The following RNF141 variants were observed in gnomAD, a reference collection of about 807,000 sequenced individuals.
RNF141 encodes the protein C3HC4-like zinc finger protein.
RNF141 carries 18 observed loss-of-function variants against 27.4 expected under a neutral mutation model. The observed-to-expected ratio is 0.66, with a 90% CI of 0.45 to 0.97. The LOEUF is 0.97. Ranked by LOEUF, RNF141 falls within the 50% of genes least tolerant of loss-of-function variation. RNF141 has a pLI of 0.00. For missense variants in RNF141, 230 were observed against 279.4 expected (o/e 0.82, Z 1.26); for synonymous variants, 97 against 96.6 (o/e 1.00, Z -0.02).
intron 2 of RNF141, 57 bp downstream of exon 2, chr11:10,533,956 GACA>G (rs1850011429): frequency 6.7e-7 from 1 of 1,486,558 alleles, no homozygotes; most frequent in African/African-American, 1.4e-5. Flanking sequence ...ACACAGCCAT[GACA>G]TATGGGGCAT....
At chr11:10,522,751 A>G (rs1273037349) in intron 4 of RNF141, among the ~76,000 whole-genome samples, 2 of 152,252 alleles carry the variant, frequency 1.3e-5, no homozygotes, top group Non-Finnish European at 2.9e-5. Flanking sequence ...TAATAATGAC[A>G]GTTAACTCTT....
chr11:10,531,042 CAAAG>C (rs898539720), intron 2 of RNF141, among the ~76,000 whole-genome samples: 1 of 151,924 alleles, frequency 6.6e-6, no homozygotes, highest in Non-Finnish European at 1.5e-5. Flanking sequence ...AAATTTCTAA[CAAAG>C]ACATTTAGGA....
At chr11:10,540,281 T>C (rs1004866602) in intron 1 of RNF141, among the ~76,000 whole-genome samples, 3 of 152,152 alleles carry the variant, frequency 2.0e-5, no homozygotes, top group African/African-American at 7.2e-5. Context: ...TTTATATATA[T>C]GCCAGAGGCA....
intron 2 of RNF141, chr11:10,531,726 C>A (rs1849988025): frequency 1.1e-5 from 2 of 187,874 alleles, no homozygotes; most frequent in South Asian, 1.7e-4. Context: ...TATTGCAGTT[C>A]CCTTTTATCA....
chr11:10,534,600 T>A (rs1850017843), intron 1 of RNF141, among the ~76,000 whole-genome samples: 1 of 152,170 alleles, frequency 6.6e-6, no homozygotes, highest in Non-Finnish European at 1.5e-5. Context: ...GGCTCCAAAC[T>A]GTTTTCCGTA....
At chr11:10,515,465 T>A (rs1849835888) in intron 5 of RNF141, 1 of 155,312 alleles carries the variant, frequency 6.4e-6, no homozygotes, top group Admixed American at 6.5e-5. Context: ...ACATTTAGTT[T>A]TTTTTCCCAT....
At chr11:10,531,917 T>G (rs1462179727) in intron 2 of RNF141, 1 of 399,694 alleles carries the variant, frequency 2.5e-6, no homozygotes, top group East Asian at 8.6e-5. Context: ...TGTATAGGTT[T>G]AATTCTACAG....
At position 10,514,855 on chromosome 11, in the gene RNF141, T is replaced by G; in HGVS notation, c.*61A>C. On this transcript the variant is annotated 3_prime_UTR_variant, in exon 6 of 6. Transcript: ENST00000265981. ...TCTGTGCCAGTGCCACAACCCTACATTCTTCCCCCATGACCAAATATTTGA... is the reference window on the plus strand; with the variant it reads ...TCTGTGCCAGTGCCACAACCCTACAGTCTTCCCCCATGACCAAATATTTGA... 2.0e-6 allele frequency: 3 copies of G among 1,519,796 alleles called. No homozygotes were observed. Among genetic ancestry groups the G allele is most frequent in the Middle Eastern group, 1.8e-4 (1 of 5,710 alleles). The allele number at this position is 1,519,796 out of a possible 1,614,324, so 94.1% of individuals were successfully genotyped here.
At chr11:10,527,172 G>A (rs1238797135) in intron 3 of RNF141, among the ~76,000 whole-genome samples, 1 of 152,196 alleles carries the variant, frequency 6.6e-6, no homozygotes, top group Non-Finnish European at 1.5e-5. Flanking sequence ...GGTACTATGT[G>A]CACTGCTCTA....
intron 1 of RNF141, among the ~76,000 whole-genome samples, chr11:10,538,204 G>C (rs1321064788): frequency 6.6e-6 from 1 of 152,116 alleles, no homozygotes. Context: ...ACTGTACTTG[G>C]TATCTGGGAA....
intron 1 of RNF141, among the ~76,000 whole-genome samples, chr11:10,536,129 A>T (rs1850032550): frequency 6.6e-6 from 1 of 152,216 alleles, no homozygotes. Context: ...GTGAAAGCCT[A>T]TAAAAGGGGG....
chr11:10,525,681 A>G (rs994038712), intron 3 of RNF141, among the ~76,000 whole-genome samples: 1 of 152,212 alleles, frequency 6.6e-6, no homozygotes, highest in African/African-American at 2.4e-5. Context: ...TTTAGAGATC[A>G]GTATTAACAA....
At chr11:10,523,056 G>C (rs1005172034) in intron 4 of RNF141, among the ~76,000 whole-genome samples, 3 of 152,214 alleles carry the variant, frequency 2.0e-5, no homozygotes, top group Non-Finnish European at 4.4e-5. Flanking sequence ...AGTATGAAAA[G>C]GCTTGCTTTT....
intron 4 of RNF141, 56 bp from the exon 5 acceptor site, chr11:10,519,197 C>G: frequency 6.8e-7 from 1 of 1,473,670 alleles, no homozygotes; most frequent in Middle Eastern, 1.7e-4. Flanking sequence ...ATGCTTTATA[C>G]TTTTTGTTGC....
At chr11:10,516,517 C>T (rs955310615) in intron 5 of RNF141, 107 of 152,446 alleles carry the variant, frequency 7.0e-4, no homozygotes, top group African/African-American at 2.4e-3. Flanking sequence ...GGCCAAACAG[C>T]TAGGGTTTAC....
In RNF141 at chr11:10,513,021, A is replaced by C. The variant is rs1225550052; in HGVS notation, c.*1895T>G. 1 of 152,218 alleles carries C rather than the reference A, an allele frequency of 6.6e-6. No homozygotes were observed. The highest frequency in any genetic ancestry group is 2.4e-5 in the African/African-American group (1 of 41,448). 9.4% of individuals were successfully genotyped at this position (152,218 alleles called of 1,614,324 possible). On this transcript the variant is annotated 3_prime_UTR_variant, in exon 6 of 6. Coordinates refer to ENST00000265981, the MANE Select transcript of RNF141 (RefSeq NM_016422.4). ...TTTTTGCTGCTGAAATAGTGTGAAA[A>C]CCACAAATAAAGTCTCAGTTTCTAA...
At chr11:10,536,707 TC>T (rs1850040175) in intron 1 of RNF141, among the ~76,000 whole-genome samples, 1 of 152,118 alleles carries the variant, frequency 6.6e-6, no homozygotes, top group Non-Finnish European at 1.5e-5. Context: ...CAAGCAATCC[TC>T]CCGCCTCGGC....
At chr11:10,536,171 C>G (rs1265216663) in intron 1 of RNF141, among the ~76,000 whole-genome samples, 7 of 151,902 alleles carry the variant, frequency 4.6e-5, no homozygotes, top group African/African-American at 1.7e-4. Context: ...GGGAAGAAGT[C>G]CCTGGGCAAA....
chr11:10,526,873 T>TTCCC (rs1849940843), intron 3 of RNF141, among the ~76,000 whole-genome samples: 1 of 151,938 alleles, frequency 6.6e-6, no homozygotes, highest in Non-Finnish European at 1.5e-5. Context: ...TTTGGGAAGG[T>TTCCC]AAAATCTATC....
Sources: allele counts gnomAD v4.1 joint callset (sites outside exome capture counted in the v4.1 genomes callset), GRCh38; gene constraint gnomAD v4.1.1; transcripts MANE v1.5; gene names NCBI Gene and HGNC (gene_info 2026-07-23, HGNC 2026-07-21).